CNOT1: variants seen among roughly 807,000 people sequenced by gnomAD.
The protein encoded by CNOT1 is CCR4-NOT transcription complex subunit 1, also known as CCR4-associated factor 1.
Under a neutral mutation model 273.8 loss-of-function variants are expected in CNOT1, and 15 were observed. That is an observed-to-expected ratio of 0.05 (90% confidence interval 0.04 to 0.08). CNOT1 has a LOEUF of 0.08. Among genes scored for constraint, CNOT1 ranks in the 10% least tolerant of loss-of-function variants. The pLI, the probability that CNOT1 is intolerant of heterozygous loss-of-function variation, is 1.00. For missense variants in CNOT1, 1,644 were observed against 2,912.2 expected, an observed-to-expected ratio of 0.56 and a Z score of 10.02; for synonymous variants, 1,022 against 1,005.5, an observed-to-expected ratio of 1.02 and a Z score of -0.31.
At chr16:58,545,527 A>G in intron 29 of CNOT1, 36 bp from the exon 30 acceptor site, 1 of 1,609,982 alleles carries the variant, frequency 6.2e-7, no homozygotes, top group African/African-American at 1.3e-5. Flanking sequence ...TTTAAAAAGT[A>G]CATTTGTTGA....
chr16:58,616,588 C>G (rs1352028887), intron 1 of CNOT1, among the ~76,000 whole-genome samples: 1 of 152,084 alleles, frequency 6.6e-6, no homozygotes, highest in Non-Finnish European at 1.5e-5. Context: ...TAAAGGAAAA[C>G]AAGATATAGT....
At position 58,546,357 on chromosome 16, in the gene CNOT1, T is replaced by C. The variant is rs2040257421; in HGVS notation, c.3970A>G (p.Lys1324Glu). The C allele has an allele frequency of 6.2e-7, 1 of 1,613,826 alleles. No individual in the cohort carries two copies. Among genetic ancestry groups the C allele is most frequent in the Non-Finnish European group, 8.5e-7 (1 of 1,179,918 alleles). The change falls in exon 29 of 49, where the codon AAG becomes GAG. Residue 1324 changes from lysine (K) to glutamate (E), a missense_variant. Lys to Glu is a moderately conservative substitution (Grantham distance 56). This residue lies in a region of CNOT1 where 52 missense variants were observed against 50.2 expected (regional missense o/e 1.04). Transcript: ENST00000317147. ...EQLSAPKKDV[K>E]QPEELPPITT... ...ATGGGAGGGAGTTCTTCTGGCTGCT[T>C]GACATCTTTCTTTGGAGCAGAGAGT...
intron 22 of CNOT1, among the ~76,000 whole-genome samples, chr16:58,552,994 C>T (rs954545908): frequency 2.6e-4 from 39 of 152,132 alleles, no homozygotes; most frequent in Non-Finnish European, 3.7e-4. Context: ...GCATCTCAGG[C>T]GGGCGCGGTG....
At position 58,553,940 on chromosome 16, in the gene CNOT1, T is replaced by C. The variant is rs1437002552; in HGVS notation, c.2892-80A>G. On this transcript the variant is annotated intron_variant, in intron 21 of 48. Coordinates refer to ENST00000317147, the MANE Select transcript of CNOT1 (RefSeq NM_016284.5). ...CAAAATGTTTTTGTCCAAATGCTAA[T>C]CTAGGTCATTTTTTTCCATCTTACC... is the stretch of plus-strand genomic sequence containing the variant. 6 of 1,458,354 alleles carry C rather than the reference T, an allele frequency of 4.1e-6. No individual in the cohort carries two copies. The South Asian group carries it at 9.4e-5, about 23-fold the overall frequency. The allele number at this position is 1,458,354 out of a possible 1,614,324, so 90.3% of individuals were successfully genotyped here.
intron 7 of CNOT1, 22 bp downstream of exon 7, chr16:58,586,523 T>G: frequency 1.2e-6 from 2 of 1,602,782 alleles, no homozygotes; most frequent in Non-Finnish European, 1.7e-6. Context: ...CCACCCACTG[T>G]AGGCTACAAA....
chr16:58,621,910 CAAAAAAAAAA>C (rs58087048), intron 1 of CNOT1, among the ~76,000 whole-genome samples: 8 of 85,348 alleles, frequency 9.4e-5, no homozygotes, highest in Non-Finnish European at 6.6e-5. Context: ...GACTCCGTCT[CAAAAAAAAAA>C]AAAAAAAAAA....
At chr16:58,540,550 C>G (rs1282401796) in intron 34 of CNOT1, among the ~76,000 whole-genome samples, 1 of 152,148 alleles carries the variant, frequency 6.6e-6, no homozygotes. Flanking sequence ...CCAGCTAGAA[C>G]TGAGGGAGAC....
rs1284471054 is a variant in CNOT1, at chr16:58,599,192, A to G, written c.102+44T>C. The G allele has an allele frequency of 1.9e-6, 3 of 1,613,134 alleles. No homozygotes were observed. In the East Asian group the frequency reaches 6.7e-5, roughly 36 times the overall value. On this transcript the variant is annotated intron_variant, in intron 2 of 48. Transcript: ENST00000317147. Reference sequence around the variant, plus strand: ...ATGTGTGGTTTTCTTTCCACTGTCTACTCATTCCTTTAATGGCACTTGTTT... The same window carrying G: ...ATGTGTGGTTTTCTTTCCACTGTCTGCTCATTCCTTTAATGGCACTTGTTT...
At position 58,585,509 on chromosome 16, in the gene CNOT1, G is replaced by A; in HGVS notation, c.638-3C>T. The A allele has an allele frequency of 1.2e-6, 2 of 1,609,244 alleles. No individual in the cohort carries two copies. The highest frequency in any genetic ancestry group is 1.7e-6 in the Non-Finnish European group (2 of 1,178,962). ...GGGACAGCGTTCTTGGGGAAAATCT[G>A]AGAGAGGAAAAAGGTTACAACTGCT... On this transcript the variant is annotated splice_polypyrimidine_tract_variant and splice_region_variant and intron_variant, in intron 7 of 48. Coordinates refer to ENST00000317147, the MANE Select transcript of CNOT1 (RefSeq NM_016284.5).
intron 1 of CNOT1, among the ~76,000 whole-genome samples, chr16:58,622,995 C>T (rs2043409200): frequency 6.6e-6 from 1 of 151,700 alleles, no homozygotes. Context: ...GTCAGGAGTT[C>T]GAGACCAGCC....
At chr16:58,589,859 C>G (rs2041996036) in intron 2 of CNOT1, among the ~76,000 whole-genome samples, 1 of 152,132 alleles carries the variant, frequency 6.6e-6, no homozygotes, top group Admixed American at 6.6e-5. Context: ...AAATGAAAAA[C>G]TCCAGATGGC....
chr16:58,560,915 C>CT (rs2040815320), intron 16 of CNOT1, among the ~76,000 whole-genome samples: 1 of 152,118 alleles, frequency 6.6e-6, no homozygotes, highest in African/African-American at 2.4e-5. Context: ...GTCCCAGCTA[C>CT]TCGGGAGGCT....
chr16:58,540,033 A>G, intron 34 of CNOT1, 74 bp from the exon 35 acceptor site: 1 of 1,467,206 alleles, frequency 6.8e-7, no homozygotes, highest in Admixed American at 2.1e-5. Context: ...TGTATCAAAT[A>G]GAGGTCTACT....
rs2151904613 is a variant in CNOT1, at chr16:58,532,372, A to G, written c.5919T>C (p.Val1973=). The part of the protein sequence containing the change: ...LNKVLGIVVG[V]LLQDHDVRQS... ...GACGAACATCATGATCCTGAAGGAG[A>G]ACTCCCACTACTATACCAAGGACCT... Residue 1973 remains valine (V), a synonymous_variant, in exon 41 of 49, where the codon GTT becomes GTC. Coordinates refer to ENST00000317147, the MANE Select transcript of CNOT1 (RefSeq NM_016284.5). 1 of 1,614,036 alleles carries G rather than the reference A, an allele frequency of 6.2e-7. No homozygotes were observed. Among genetic ancestry groups the G allele is most frequent in the East Asian group, 2.2e-5 (1 of 44,890 alleles).
At chr16:58,533,504 C>T (rs1163340710) in intron 40 of CNOT1, among the ~76,000 whole-genome samples, 8 of 152,122 alleles carry the variant, frequency 5.3e-5, no homozygotes, top group Admixed American at 2.0e-4. Context: ...GGCGCGGTGG[C>T]GGGTGCCTGT....
chr16:58,584,037 G>T (rs1016984670), intron 8 of CNOT1, among the ~76,000 whole-genome samples: 1 of 150,938 alleles, frequency 6.6e-6, no homozygotes, highest in African/African-American at 2.4e-5. Flanking sequence ...GCATGGTGGC[G>T]CTCACCTGTA....
intron 46 of CNOT1, among the ~76,000 whole-genome samples, chr16:58,524,243 C>CT (rs983677841): frequency 9.8e-5 from 10 of 102,412 alleles, no homozygotes; most frequent in Non-Finnish European, 1.6e-4. Context: ...GAGCAAGACT[C>CT]TATCGCAAAA....
At chr16:58,541,837 CTG>C (rs2040104199) in intron 33 of CNOT1, among the ~76,000 whole-genome samples, 1 of 152,218 alleles carries the variant, frequency 6.6e-6, no homozygotes, top group Non-Finnish European at 1.5e-5. Flanking sequence ...TATAAATTAA[CTG>C]AGAGTTTCTC....
At chr16:58,622,353 G>T (rs1268162322) in intron 1 of CNOT1, among the ~76,000 whole-genome samples, 4 of 45,608 alleles carry the variant, frequency 8.8e-5, no homozygotes, top group Admixed American at 5.2e-4. Context: ...GGGGGGGGCG[G>T]GCGTGGACAA....
Sources: gnomAD v4.1 joint callset for allele counts (sites outside exome capture counted in the v4.1 genomes callset) on GRCh38, gnomAD v4.1.1 for gene constraint, gnomAD v4.1.1 regional missense constraint, MANE v1.5 for transcripts, NCBI Gene and HGNC (gene_info 2026-07-23, HGNC 2026-07-21) for gene names.